GPHN: variants seen among roughly 807,000 people sequenced by gnomAD.
GPHN encodes gephyrin.
A neutral mutation model predicts 95.5 loss-of-function variants in GPHN; 17 were observed. The ratio of observed to expected loss-of-function variants is 0.18; its 90% CI spans 0.12 to 0.27. The LOEUF (loss-of-function observed/expected upper bound fraction) is 0.27, where lower values mean the gene tolerates loss of function less well. Ranked by LOEUF, GPHN falls within the 10% of genes least tolerant of loss-of-function variation. The pLI is 1.00. For missense variants in GPHN, 660 were observed against 978.1 expected (o/e 0.67, Z 4.34); for synonymous variants, 320 against 322.5 (o/e 0.99, Z 0.08).
intron 1 of GPHN, among the ~76,000 whole-genome samples, chr14:66,644,187 C>G (rs1020848426): frequency 1.3e-5 from 2 of 152,000 alleles, no homozygotes; most frequent in Admixed American, 1.3e-4. Context: ...CACAGAACGC[C>G]TTGGGTTACA....
At chr14:66,799,288 T>G (rs1566957441) in intron 3 of GPHN, among the ~76,000 whole-genome samples, 1 of 152,052 alleles carries the variant, frequency 6.6e-6, no homozygotes, top group African/African-American at 2.4e-5. Context: ...ATGTGTACTC[T>G]GCAGCCATTG....
chr14:67,515,659 C>T, the GPHN span, among the ~76,000 whole-genome samples: 1 of 152,224 alleles, frequency 6.6e-6, no homozygotes, highest in Non-Finnish European at 1.5e-5. Context: ...GTGCAGGGCT[C>T]TTCGGCCCTC....
chr14:67,680,440 A>C, the GPHN span, among the ~76,000 whole-genome samples: 1 of 152,186 alleles, frequency 6.6e-6, no homozygotes, highest in East Asian at 1.9e-4. Flanking sequence ...TAGGCTATAA[A>C]AACTAATCAA....
At chr14:67,539,003 A>G in the GPHN span, among the ~76,000 whole-genome samples, 28 of 152,226 alleles carry the variant, frequency 1.8e-4, no homozygotes, top group Non-Finnish European at 2.5e-4. Context: ...GGGAATCAAT[A>G]TTAATCAAAC....
the GPHN span, among the ~76,000 whole-genome samples, chr14:67,718,494 A>T: frequency 6.6e-6 from 1 of 152,180 alleles, no homozygotes; most frequent in African/African-American, 2.4e-5. Context: ...ATAGCATGTG[A>T]TCTCCACACA....
chr14:67,028,055 T>A lies in GPHN; in HGVS notation c.1006+4380T>A, dbSNP rs117730405. 6.6e-5 allele frequency among the ~76,000 whole-genome samples: 10 copies of A among 152,274 alleles called. No homozygotes were observed. The East Asian group carries it at 1.9e-3, about 29-fold the overall frequency. On this transcript the variant is annotated intron_variant, in intron 10 of 22. Transcript: ENST00000478722. ...CCACACCATCCTTCCCAGCCTCTGA[T>A]AATATCACTCTGCTCACTGCCTCAG...
At chr14:66,692,496 G>C (rs2067846626) in intron 2 of GPHN, among the ~76,000 whole-genome samples, 1 of 152,134 alleles carries the variant, frequency 6.6e-6, no homozygotes, top group Admixed American at 6.6e-5. Flanking sequence ...TAGTAGGCCT[G>C]GGACTCCAAC....
chr14:67,439,532 A>AGTTT, the GPHN span, among the ~76,000 whole-genome samples: 2 of 126,944 alleles, frequency 1.6e-5, no homozygotes, highest in East Asian at 2.6e-4. Context: ...GAAATTCAAT[A>AGTTT]GTTTCTTTCT....
At chr14:67,224,196 T>G in the GPHN span, among the ~76,000 whole-genome samples, 4 of 152,128 alleles carry the variant, frequency 2.6e-5, no homozygotes, top group African/African-American at 9.7e-5. Context: ...ATGACAACTT[T>G]ATGCATGAAA....
the GPHN span, chr14:67,279,392 G>A: frequency 1.2e-6 from 2 of 1,613,230 alleles, no homozygotes; most frequent in Non-Finnish European, 1.7e-6. Flanking sequence ...AGGAAGAAGG[G>A]AAAAAGCAAG....
At chr14:67,695,680 C>T in the GPHN span, 2 of 1,614,202 alleles carry the variant, frequency 1.2e-6, no homozygotes, top group East Asian at 4.5e-5. Flanking sequence ...GGAGGAGCAA[C>T]AGCGGGAACA....
chr14:66,940,080 G>A (rs1260267117), intron 8 of GPHN, among the ~76,000 whole-genome samples: 1 of 152,118 alleles, frequency 6.6e-6, no homozygotes, highest in Non-Finnish European at 1.5e-5. Flanking sequence ...AGACTTCTGG[G>A]TTCCTGTCCC....
intron 9 of GPHN, among the ~76,000 whole-genome samples, chr14:67,017,210 CAAAT>C (rs985326893): frequency 4.5e-4 from 69 of 152,072 alleles, no homozygotes; most frequent in African/African-American, 1.6e-3. Context: ...TTATTAAACT[CAAAT>C]AAGCCAAATA....
chr14:67,025,722 C>A (rs986757405), intron 10 of GPHN, among the ~76,000 whole-genome samples: 6 of 152,222 alleles, frequency 3.9e-5, no homozygotes, highest in South Asian at 4.1e-4. Context: ...TCCCTCAAAA[C>A]CAAATCTTGG....
chr14:66,693,697 C>T (rs1049029270), intron 2 of GPHN, among the ~76,000 whole-genome samples: 1 of 152,196 alleles, frequency 6.6e-6, no homozygotes, highest in African/African-American at 2.4e-5. Flanking sequence ...ACTTGTGAAT[C>T]TCCTCTGGAA....
chr14:66,792,144 G>T (rs1311137525), intron 3 of GPHN, among the ~76,000 whole-genome samples: 1 of 152,132 alleles, frequency 6.6e-6, no homozygotes, highest in African/African-American at 2.4e-5. Context: ...GGTGAGATTT[G>T]AGTAGGGACA....
At chr14:67,470,293 T>C in the GPHN span, 1 of 152,178 alleles carries the variant, frequency 6.6e-6, no homozygotes, top group African/African-American at 2.4e-5. Flanking sequence ...CAGTATATTT[T>C]ATGTGCACAA....
At chr14:67,203,371 G>C in the GPHN span, 1 of 1,213,498 alleles carries the variant, frequency 8.2e-7, no homozygotes, top group Admixed American at 2.7e-5. Context: ...CGGAAACACT[G>C]ATGACAATTG....
the GPHN span, chr14:67,619,736 G>A: frequency 2.1e-6 from 1 of 487,636 alleles, no homozygotes; most frequent in Middle Eastern, 5.4e-4. Context: ...GAGAGCACAG[G>A]CCAGAGTGGG....
Sources: allele counts gnomAD v4.1 joint callset (sites outside exome capture counted in the v4.1 genomes callset), GRCh38; gene constraint gnomAD v4.1.1; transcripts MANE v1.5; gene names NCBI Gene and HGNC (gene_info 2026-07-23, HGNC 2026-07-21).